The following BLTP1 variants were observed in gnomAD, a reference collection of about 807,000 sequenced individuals.
The protein encoded by BLTP1 is bridge-like lipid transfer protein family member 1, also known as fragile site-associated protein.
the BLTP1 span, among the ~76,000 whole-genome samples, chr4:122,176,762 A>G: frequency 6.6e-6 from 1 of 152,190 alleles, no homozygotes; most frequent in African/African-American, 2.4e-5. Context: ...TAGAAGATGT[A>G]ATTTTCCTAA....
At chr4:122,358,102 A>G in the BLTP1 span, among the ~76,000 whole-genome samples, 40 of 152,318 alleles carry the variant, frequency 2.6e-4, no homozygotes, top group East Asian at 7.7e-3. Flanking sequence ...AAATCTTCAC[A>G]TACAGCCCCA....
the BLTP1 span, chr4:122,262,765 G>A: frequency 6.3e-7 from 1 of 1,586,244 alleles, no homozygotes; most frequent in South Asian, 1.2e-5. Flanking sequence ...TTTCTGTAGG[G>A]CATTCACCCA....
At chr4:122,215,842 C>G in the BLTP1 span, among the ~76,000 whole-genome samples, 2 of 151,798 alleles carry the variant, frequency 1.3e-5, no homozygotes, top group African/African-American at 4.8e-5. Flanking sequence ...TCACCCCCCC[C>G]ATCCTTCCTC....
chr4:122,171,834 G>A, the BLTP1 span: 11 of 983,568 alleles, frequency 1.1e-5, no homozygotes, highest in Non-Finnish European at 1.3e-5. Context: ...AAAACATTGA[G>A]CAATTGTTTA....
chr4:122,338,677 C>G, the BLTP1 span, among the ~76,000 whole-genome samples: 1 of 152,020 alleles, frequency 6.6e-6, no homozygotes, highest in Non-Finnish European at 1.5e-5. Context: ...GCAGTCAGCC[C>G]TGAGGAATTA....
At chr4:122,163,193 T>C in the BLTP1 span, among the ~76,000 whole-genome samples, 1 of 152,104 alleles carries the variant, frequency 6.6e-6, no homozygotes, top group Non-Finnish European at 1.5e-5. Context: ...GAAATGATCA[T>C]AGGAAACACT....
At chr4:122,286,417 A>C in the BLTP1 span, 2 of 1,473,964 alleles carry the variant, frequency 1.4e-6, no homozygotes, top group Non-Finnish European at 1.8e-6. Flanking sequence ...ATATCCTTTC[A>C]TATATTTCAA....
the BLTP1 span, chr4:122,246,967 A>G: frequency 4.1e-6 from 3 of 736,680 alleles, no homozygotes; most frequent in East Asian, 1.6e-4. Context: ...GATTAGTAAC[A>G]TATGTCTTTA....
chr4:122,240,317 A>G, the BLTP1 span: 4 of 1,613,990 alleles, frequency 2.5e-6, no homozygotes, highest in Admixed American at 1.7e-5. Context: ...AAGAAAGTTC[A>G]TCGTCATTTG....
the BLTP1 span, chr4:122,302,226 G>C: frequency 1.2e-5 from 12 of 970,492 alleles, no homozygotes; most frequent in South Asian, 3.3e-4. Context: ...AACATAATGG[G>C]AAAAAATTGC....
chr4:122,200,868 A>G, the BLTP1 span: 29 of 1,280,002 alleles, frequency 2.3e-5, no homozygotes, highest in African/African-American at 3.0e-4. Context: ...AGCAATATTA[A>G]AGTCTCAAAG....
the BLTP1 span, chr4:122,331,606 C>T: frequency 6.6e-7 from 1 of 1,509,510 alleles, no homozygotes; most frequent in Non-Finnish European, 8.9e-7. Flanking sequence ...TCATATATCA[C>T]TGAATTATAA....
At chr4:122,240,270 T>C in the BLTP1 span, 2 of 1,614,098 alleles carry the variant, frequency 1.2e-6, no homozygotes, top group Admixed American at 3.3e-5. Flanking sequence ...TAAATCCTCA[T>C]TGCATCGTCC....
chr4:122,307,788 G>C, the BLTP1 span: 3 of 985,000 alleles, frequency 3.0e-6, no homozygotes, highest in South Asian at 4.7e-5. Flanking sequence ...AAAAAATGGT[G>C]ACTATATGTC....
At chr4:122,264,831 A>C in the BLTP1 span, among the ~76,000 whole-genome samples, 1 of 152,228 alleles carries the variant, frequency 6.6e-6, no homozygotes, top group Non-Finnish European at 1.5e-5. Flanking sequence ...TGAGTAGCAA[A>C]TGTATTAAAT....
At chr4:122,178,637 T>C in the BLTP1 span, among the ~76,000 whole-genome samples, 1 of 152,212 alleles carries the variant, frequency 6.6e-6, no homozygotes, top group Non-Finnish European at 1.5e-5. Flanking sequence ...AAATACTGAA[T>C]ACTAAAATAT....
At chr4:122,336,184 T>C in the BLTP1 span, 13 of 1,559,300 alleles carry the variant, frequency 8.3e-6, no homozygotes, top group African/African-American at 1.4e-5. Flanking sequence ...AATTTATAAA[T>C]GTTCTAGCCA....
At chr4:122,209,794 A>G in the BLTP1 span, 1 of 1,610,862 alleles carries the variant, frequency 6.2e-7, no homozygotes, top group Admixed American at 1.7e-5. Context: ...TCTGACTAGA[A>G]ACTGTCTGTT....
chr4:122,185,081 G>A, the BLTP1 span: 1 of 985,286 alleles, frequency 1.0e-6, no homozygotes, highest in Non-Finnish European at 1.2e-6. Context: ...GAAATCTAAA[G>A]TAATTTTGGC....
Sources: allele counts gnomAD v4.1 joint callset (sites outside exome capture counted in the v4.1 genomes callset), GRCh38; gene constraint gnomAD v4.1.1; transcripts MANE v1.5; gene names NCBI Gene and HGNC (gene_info 2026-07-23, HGNC 2026-07-21).